FOXN4: variants seen among roughly 807,000 people sequenced by gnomAD.
FOXN4 encodes forkhead box protein N4.
A neutral mutation model predicts 45.0 loss-of-function variants in FOXN4; 12 were observed. The observed-to-expected ratio is 0.27, with a 90% CI of 0.17 to 0.43. The LOEUF (loss-of-function observed/expected upper bound fraction) is 0.43, where lower values mean the gene tolerates loss of function less well. Ranked by LOEUF, FOXN4 falls within the 20% of genes least tolerant of loss-of-function variation. The pLI, the probability that FOXN4 is intolerant of heterozygous loss-of-function variation, is 1.00. For missense variants in FOXN4, 560 were observed against 694.9 expected (o/e 0.81, Z 2.18); for synonymous variants, 297 against 295.0 (o/e 1.01, Z -0.07).
At chr12:109,289,738 ATTTCAGGC>A (rs1227486600) in intron 3 of FOXN4, among the ~76,000 whole-genome samples, 1 of 152,230 alleles carries the variant, frequency 6.6e-6, no homozygotes, top group African/African-American at 2.4e-5. Flanking sequence ...GATGGCAAAT[ATTTCAGGC>A]TTTGCCAGCC....
Position 109,279,617 on chromosome 12 carries a change from C to A in FOXN4, c.*54G>T. The A allele has an allele frequency of 6.4e-7, 1 of 1,551,972 alleles. No individual in the cohort carries two copies. The highest frequency in any genetic ancestry group is 1.2e-5 in the South Asian group (1 of 83,920). On this transcript the variant is annotated 3_prime_UTR_variant, in exon 10 of 10. Coordinates refer to ENST00000299162, the MANE Select transcript of FOXN4 (RefSeq NM_213596.3). ...CCTTCTGGGAACACCCTGTTCTAGT[C>A]AGTTCTCTGCCCAAGCCGGGTGCCG... is the stretch of plus-strand genomic sequence containing the variant.
intron 8 of FOXN4, among the ~76,000 whole-genome samples, chr12:109,282,508 C>A (rs1328688954): frequency 6.6e-6 from 1 of 152,060 alleles, no homozygotes; most frequent in East Asian, 1.9e-4. Flanking sequence ...CGGGACAGTG[C>A]CTTACAGGAC....
intron 8 of FOXN4, 142 bp downstream of exon 8, chr12:109,285,162 T>TTG: frequency 1.1e-6 from 1 of 939,848 alleles, no homozygotes; most frequent in Non-Finnish European, 1.6e-6. Flanking sequence ...GTGCGCATAT[T>TTG]TGTGTGTGTG....
chr12:109,298,345 T>G (rs754924390), intron 2 of FOXN4, among the ~76,000 whole-genome samples: 114 of 66,042 alleles, frequency 1.7e-3, no homozygotes, highest in South Asian at 3.6e-3. Context: ...TTTTTTTTTG[T>G]TTTTTTTTTT....
chr12:109,285,984 G>GC (rs1413269106), intron 7 of FOXN4, among the ~76,000 whole-genome samples: 3 of 150,938 alleles, frequency 2.0e-5, no homozygotes, highest in African/African-American at 2.4e-5. Flanking sequence ...TCCCACCTCA[G>GC]CCCCCCAAGT....
At position 109,287,344 on chromosome 12, in the gene FOXN4, C is replaced by T; in HGVS notation, c.596+53G>A. The T allele has an allele frequency of 6.5e-7, 1 of 1,548,538 alleles. No individual in the cohort carries two copies. The highest frequency in any genetic ancestry group is 8.7e-7 in the Non-Finnish European group (1 of 1,145,530). On this transcript the variant is annotated intron_variant, in intron 6 of 9. Coordinates refer to ENST00000299162, the MANE Select transcript of FOXN4 (RefSeq NM_213596.3). The surrounding 1 kb of genome is among the most constrained non-coding windows in gnomAD (Gnocchi z 4.1). ...TGAGATGCCCTGAGGGCAGCCTCATCCCTCTCTCCCGGAGCCGCCCTTGGC... is the reference window on the plus strand; with the variant it reads ...TGAGATGCCCTGAGGGCAGCCTCATTCCTCTCTCCCGGAGCCGCCCTTGGC...
At chr12:109,308,189 T>C (rs1421149346) in intron 2 of FOXN4, 47 bp downstream of exon 2, 1 of 1,439,962 alleles carries the variant, frequency 6.9e-7, no homozygotes, top group East Asian at 2.5e-5. Context: ...ATACAAACAC[T>C]TTGAGCAATT....
intron 2 of FOXN4, among the ~76,000 whole-genome samples, chr12:109,303,754 C>G (rs1229642036): frequency 6.6e-6 from 1 of 152,174 alleles, no homozygotes. Flanking sequence ...CTTGTTGGAC[C>G]TGACCTCTAG....
intron 3 of FOXN4, among the ~76,000 whole-genome samples, chr12:109,289,835 T>C (rs4766588): frequency 0.17 from 25,455 of 152,232 alleles, 2,293 homozygotes; most frequent in Middle Eastern, 0.22. Flanking sequence ...AAACAGGTCG[T>C]AGGCTGCATT....
At chr12:109,296,455 C>A (rs1042169401) in intron 2 of FOXN4, among the ~76,000 whole-genome samples, 1 of 152,206 alleles carries the variant, frequency 6.6e-6, no homozygotes, top group Non-Finnish European at 1.5e-5. Flanking sequence ...CTCTCTGCAC[C>A]TTTCAGTGTC....
chr12:109,289,994 CA>C, intron 3 of FOXN4, 146 bp downstream of exon 3: 1 of 963,426 alleles, frequency 1.0e-6, no homozygotes, highest in Non-Finnish European at 1.5e-6. Context: ...AGGAAGGGAG[CA>C]TTTGTCCCAT....
At chr12:109,281,349 G>A in intron 9 of FOXN4, 58 bp downstream of exon 9, 1 of 1,588,960 alleles carries the variant, frequency 6.3e-7, no homozygotes, top group Non-Finnish European at 8.6e-7. Context: ...ACTCCCTTTG[G>A]CCCCCGGGCC....
At chr12:109,285,991 A>C (rs2047706761) in intron 7 of FOXN4, among the ~76,000 whole-genome samples, 1 of 151,248 alleles carries the variant, frequency 6.6e-6, no homozygotes, top group Non-Finnish European at 1.5e-5. Flanking sequence ...TCAGCCCCCC[A>C]AGTAGCTGGG....
At chr12:109,304,062 G>A (rs532519268) in intron 2 of FOXN4, among the ~76,000 whole-genome samples, 54 of 151,604 alleles carry the variant, frequency 3.6e-4, no homozygotes, top group African/African-American at 1.2e-3. Context: ...GTGGTGATGG[G>A]CGTCTGTAAT....
At chr12:109,304,823 T>C (rs1480720569) in intron 2 of FOXN4, among the ~76,000 whole-genome samples, 2 of 152,114 alleles carry the variant, frequency 1.3e-5, no homozygotes, top group Non-Finnish European at 1.5e-5. Context: ...GGGCTACTAT[T>C]TGGGGAGAAA....
chr12:109,295,767 T>C (rs9668611), intron 2 of FOXN4, among the ~76,000 whole-genome samples: 93,699 of 152,034 alleles, frequency 0.62, 30,134 homozygotes, highest in African/African-American at 0.79. Context: ...GCCTGGGCGA[T>C]AGAGCAAGAT....
At chr12:109,308,577 A>T (rs1029905506) in intron 1 of FOXN4, among the ~76,000 whole-genome samples, 133 of 152,310 alleles carry the variant, frequency 8.7e-4, no homozygotes, top group African/African-American at 3.0e-3. Context: ...TTAATGGGGG[A>T]AGAGCAAGGG....
chr12:109,294,550 T>C (rs2047798747), intron 2 of FOXN4, among the ~76,000 whole-genome samples: 2 of 152,078 alleles, frequency 1.3e-5, no homozygotes, highest in African/African-American at 4.8e-5. Context: ...AATGTCCACC[T>C]CAGTGCACCT....
Position 109,279,520 on chromosome 12 carries a change from G to T in FOXN4, c.*151C>A. ...CGAGAAGGAGAGGGGCTGCTGAGGG[G>T]AACCGCTTCCCTGTCCAGCCGGCAA... On this transcript the variant is annotated 3_prime_UTR_variant, in exon 10 of 10. Transcript: ENST00000299162. 8.4e-7 allele frequency: 1 copy of T among 1,195,380 alleles called. No homozygotes were observed. The highest frequency in any genetic ancestry group is 1.2e-6 in the Non-Finnish European group (1 of 867,848). 74.0% of individuals were successfully genotyped at this position (1,195,380 alleles called of 1,614,324 possible).
Sources: allele counts gnomAD v4.1 joint callset (sites outside exome capture counted in the v4.1 genomes callset), GRCh38; gene constraint gnomAD v4.1.1; non-coding constraint Gnocchi (gnomAD v3.1); transcripts MANE v1.5; gene names NCBI Gene and HGNC (gene_info 2026-07-23, HGNC 2026-07-21).